The following TENM3 variants were observed in gnomAD, a reference collection of about 807,000 sequenced individuals.
The protein encoded by TENM3 is teneurin-3.
A neutral mutation model predicts 255.1 loss-of-function variants in TENM3; 63 were observed. The observed-to-expected ratio is 0.25, with a 90% CI of 0.20 to 0.30. The LOEUF (loss-of-function observed/expected upper bound fraction) is 0.30, where lower values mean the gene tolerates loss of function less well. Ranked by LOEUF, TENM3 falls within the 10% of genes least tolerant of loss-of-function variation. The pLI, the probability that TENM3 is intolerant of heterozygous loss-of-function variation, is 1.00. For synonymous variants in TENM3, 1,306 were observed against 1,322.3 expected, an observed-to-expected ratio of 0.99 and a Z score of 0.27; for missense variants, 2,929 against 3,461.1, an observed-to-expected ratio of 0.85 and a Z score of 3.86.
the TENM3 span, among the ~76,000 whole-genome samples, chr4:181,930,843 A>G: frequency 1.3e-5 from 2 of 152,232 alleles, no homozygotes; most frequent in Non-Finnish European, 2.9e-5. Flanking sequence ...CATACCTGGA[A>G]TGCAAGGCTG....
At chr4:182,704,549 C>CT (rs1320168002) in intron 12 of TENM3, among the ~76,000 whole-genome samples, 1 of 152,134 alleles carries the variant, frequency 6.6e-6, no homozygotes, top group East Asian at 1.9e-4. Flanking sequence ...TCTGGGCTGA[C>CT]TTAAATCAGG....
At chr4:181,981,078 C>T in the TENM3 span, among the ~76,000 whole-genome samples, 1 of 152,016 alleles carries the variant, frequency 6.6e-6, no homozygotes, top group Non-Finnish European at 1.5e-5. Context: ...ACCTTTATTC[C>T]TCTCCTCCTC....
chr4:181,609,948 A>G, the TENM3 span, among the ~76,000 whole-genome samples: 5 of 152,204 alleles, frequency 3.3e-5, no homozygotes, highest in African/African-American at 9.7e-5. Context: ...GGAACATAAG[A>G]AAAACGACTG....
At chr4:182,790,928 G>A (rs1332271123) in intron 25 of TENM3, among the ~76,000 whole-genome samples, 3 of 152,096 alleles carry the variant, frequency 2.0e-5, no homozygotes, top group African/African-American at 7.2e-5. Flanking sequence ...ATGCATCCAG[G>A]AGGATCAGAA....
At chr4:181,966,913 C>T in the TENM3 span, among the ~76,000 whole-genome samples, 117 of 152,138 alleles carry the variant, frequency 7.7e-4, 1 homozygote, top group African/African-American at 2.8e-3. Context: ...GTTCTCTAGC[C>T]CTTCCAGAAT....
At chr4:181,544,430 A>C in the TENM3 span, among the ~76,000 whole-genome samples, 53 of 144,366 alleles carry the variant, frequency 3.7e-4, no homozygotes, top group South Asian at 0.011. Flanking sequence ...AAAAAAAAAA[A>C]AAAAAACTAT....
chr4:182,026,840 A>G, the TENM3 span, among the ~76,000 whole-genome samples: 2 of 152,194 alleles, frequency 1.3e-5, no homozygotes, highest in African/African-American at 4.8e-5. Flanking sequence ...TTATGCCAGT[A>G]CCATGCTGTT....
At chr4:182,744,499 T>C (rs543170127) in intron 19 of TENM3, among the ~76,000 whole-genome samples, 16 of 152,266 alleles carry the variant, frequency 1.1e-4, no homozygotes, top group Middle Eastern at 3.4e-3. Flanking sequence ...GCATGAAACC[T>C]GAAGCACAGT....
the TENM3 span, among the ~76,000 whole-genome samples, chr4:181,899,569 TTTTTTGG>T: frequency 1.3e-5 from 2 of 151,988 alleles, no homozygotes; most frequent in African/African-American, 4.8e-5. Flanking sequence ...TTGTTTTTTG[TTTTTTGG>T]GGTTTTTTTT....
At chr4:182,242,914 T>C (rs1385424668), upstream of TENM3, among the ~76,000 whole-genome samples, 1 of 152,162 alleles carries the variant, frequency 6.6e-6, no homozygotes. Flanking sequence ...GAGTTGATAA[T>C]GTATTAGAAG....
At chr4:182,750,711 C>T (rs748540066) in intron 19 of TENM3, among the ~76,000 whole-genome samples, 3 of 151,666 alleles carry the variant, frequency 2.0e-5, no homozygotes, top group Admixed American at 6.6e-5. Context: ...TGTGTGTGTT[C>T]GTGGCTGTAT....
the TENM3 span, among the ~76,000 whole-genome samples, chr4:182,105,546 G>A: frequency 2.0e-5 from 3 of 152,164 alleles, no homozygotes; most frequent in East Asian, 1.9e-4. Flanking sequence ...AAAGGATACA[G>A]ATCAAATGCA....
chr4:181,611,620 T>C, the TENM3 span, among the ~76,000 whole-genome samples: 1 of 152,252 alleles, frequency 6.6e-6, no homozygotes, highest in Non-Finnish European at 1.5e-5. Flanking sequence ...GGCTAAAATC[T>C]GTGGACAATG....
the TENM3 span, among the ~76,000 whole-genome samples, chr4:182,098,955 C>CTTTTTTTTTTTTTTTTTTTTTTTTTTTTT: frequency 2.2e-5 from 3 of 133,830 alleles, no homozygotes; most frequent in Non-Finnish European, 1.6e-5. Context: ...GTGCACAACT[C>CTTTTTTTTTTTTTTTTTTTTTTTTTTTTT]TTTTTTTCTT....
At chr4:181,912,615 A>G in the TENM3 span, among the ~76,000 whole-genome samples, 3 of 151,976 alleles carry the variant, frequency 2.0e-5, no homozygotes, top group Non-Finnish European at 4.4e-5. Flanking sequence ...CAACATAGTG[A>G]AACCCTGTCT....
intron 5 of TENM3, among the ~76,000 whole-genome samples, chr4:182,633,472 C>T (rs1412707246): frequency 6.6e-6 from 1 of 152,166 alleles, no homozygotes; most frequent in Non-Finnish European, 1.5e-5. Flanking sequence ...CTACGTTTTG[C>T]TGTAGATTTG....
chr4:182,281,146 C>A (rs1580002184), intron 1 of TENM3, among the ~76,000 whole-genome samples: 1 of 152,158 alleles, frequency 6.6e-6, no homozygotes, highest in African/African-American at 2.4e-5. Flanking sequence ...TCATTTTTTT[C>A]TTTAATAGGG....
the TENM3 span, among the ~76,000 whole-genome samples, chr4:181,995,313 A>G: frequency 8.5e-5 from 13 of 152,080 alleles, no homozygotes. Context: ...AAGAAAGAAA[A>G]AAAGAAACAA....
chr4:181,846,971 C>T, the TENM3 span, among the ~76,000 whole-genome samples: 9,714 of 152,224 alleles, frequency 0.064, 639 homozygotes, highest in East Asian at 0.19. Context: ...TTTTGTTCAA[C>T]GCAGCCAAAA....
Sources: gnomAD v4.1 joint callset for allele counts (sites outside exome capture counted in the v4.1 genomes callset) on GRCh38, gnomAD v4.1.1 for gene constraint, MANE v1.5 for transcripts, NCBI Gene and HGNC (gene_info 2026-07-23, HGNC 2026-07-21) for gene names.